The following ANKRD27 variants were observed in gnomAD, a reference collection of about 807,000 sequenced individuals.
ANKRD27 encodes ankyrin repeat domain-containing protein 27.
ANKRD27 carries 112 observed loss-of-function variants against 129.7 expected under a neutral mutation model. The ratio of observed to expected loss-of-function variants is 0.86; its 90% CI spans 0.74 to 1.01. The LOEUF is 1.01. Among genes scored for constraint, ANKRD27 ranks in the 50% least tolerant of loss-of-function variants. The probability of loss-of-function intolerance (pLI) is 0.00; values close to 1 mark genes in which losing one functional copy is unlikely to be tolerated. For synonymous variants in ANKRD27, 516 were observed against 511.2 expected (o/e 1.01, Z -0.13); for missense variants, 1,258 against 1,300.5 (o/e 0.97, Z 0.50).
intron 2 of ANKRD27, among the ~76,000 whole-genome samples, chr19:32,651,419 G>A (rs1432351019): frequency 2.0e-5 from 3 of 152,116 alleles, no homozygotes; most frequent in Middle Eastern, 3.2e-3. Context: ...GCCCAGGCTG[G>A]AGTGCAGTGG....
intron 2 of ANKRD27, among the ~76,000 whole-genome samples, chr19:32,650,636 T>C (rs1967395661): frequency 2.7e-5 from 4 of 150,274 alleles, no homozygotes; most frequent in African/African-American, 9.8e-5. Context: ...GATCACATGA[T>C]TGCACTACTC....
intron 1 of ANKRD27, among the ~76,000 whole-genome samples, chr19:32,661,710 G>A (rs1292041030): frequency 6.6e-6 from 1 of 152,008 alleles, no homozygotes; most frequent in African/African-American, 2.4e-5. Flanking sequence ...GGATCCTCTT[G>A]TATACCCAAG....
Position 32,598,301 on chromosome 19 carries a change from G to A in ANKRD27, c.2997C>T (p.Asn999=). The A allele has an allele frequency of 3.1e-6, 5 of 1,614,186 alleles. No homozygotes were observed. The highest frequency in any genetic ancestry group is 4.2e-6 in the Non-Finnish European group (5 of 1,180,042). Residue 999 remains asparagine (N), a synonymous_variant, in exon 29 of 29, where the codon AAC becomes AAT. Coordinates refer to ENST00000306065, the MANE Select transcript of ANKRD27 (RefSeq NM_032139.3). Reference sequence around the variant, plus strand: ...GTCCAGGCCTCTCTGGCCAGTCGCTGTTGCCTTTCTCAGCAGCATGAGATC... The same window carrying A: ...GTCCAGGCCTCTCTGGCCAGTCGCTATTGCCTTTCTCAGCAGCATGAGATC... The part of the protein sequence containing the change: ...QSGSHAAEKG[N]SDWPERPGLT...
Position 32,629,566 on chromosome 19 carries a change from G to C in ANKRD27, c.1210-717C>G, listed in dbSNP as rs573967012. ...AATACAAAACTTAGCCGGATGTGGT[G>C]GCAGACGCCTGTAATCCCAGCGACT... is the stretch of plus-strand genomic sequence containing the variant. On this transcript the variant is annotated intron_variant, in intron 13 of 28. Coordinates refer to ENST00000306065, the MANE Select transcript of ANKRD27 (RefSeq NM_032139.3). Among the ~76,000 whole-genome samples the C allele has an allele frequency of 6.2e-4, 94 of 152,250 alleles. 1 individual carries two copies. Among genetic ancestry groups the C allele is most frequent in the Admixed American group, 5.5e-3 (84 of 15,268 alleles).
In ANKRD27 at chr19:32,656,103, GAAAGA is replaced by G. The variant is rs535574771; in HGVS notation, c.102+2806_102+2810del. ...AGAAAGAAAGAAAGAAAGAAAGAAA[GAAAGA>G]AAAGAAAAGAAAAGAAAAGAAAAGA... On this transcript the variant is annotated intron_variant, in intron 2 of 28. Transcript: ENST00000306065. Among the ~76,000 whole-genome samples, 542 of 123,506 alleles carry G rather than the reference GAAAGA, an allele frequency of 4.4e-3. 20 individuals are homozygous for G. Among genetic ancestry groups the G allele is most frequent in the African/African-American group, 0.017 (507 of 29,386 alleles). 81.0% of individuals were successfully genotyped at this position (123,506 alleles called of 152,430 possible).
intron 22 of ANKRD27, among the ~76,000 whole-genome samples, chr19:32,609,834 T>C (rs980779990): frequency 1.1e-5 from 1 of 95,096 alleles, no homozygotes; most frequent in African/African-American, 3.1e-5. Context: ...ATATAAATTA[T>C]AATGTATATA....
At chr19:32,666,728 T>TCCA (rs771164054) in intron 1 of ANKRD27, among the ~76,000 whole-genome samples, 176 of 137,190 alleles carry the variant, frequency 1.3e-3, no homozygotes, top group Middle Eastern at 7.8e-3. Context: ...CACTGCAACC[T>TCCA]CCACCCCTGT....
intron 12 of ANKRD27, among the ~76,000 whole-genome samples, chr19:32,633,341 T>C (rs1373422895): frequency 1.3e-5 from 2 of 150,174 alleles, no homozygotes; most frequent in Non-Finnish European, 3.0e-5. Flanking sequence ...GTTTTTTTTT[T>C]TTTTTTTTTG....
At chr19:32,662,712 A>T (rs1967669437) in intron 1 of ANKRD27, among the ~76,000 whole-genome samples, 1 of 152,064 alleles carries the variant, frequency 6.6e-6, no homozygotes, top group Non-Finnish European at 1.5e-5. Flanking sequence ...ACTGCACTCC[A>T]GCCTAGGCAA....
chr19:32,642,367 T>TG (rs1338319424), intron 9 of ANKRD27, among the ~76,000 whole-genome samples: 1 of 143,686 alleles, frequency 7.0e-6, no homozygotes, highest in East Asian at 2.3e-4. Context: ...CAAGAAAAGC[T>TG]GAAAAAAAAA....
intron 12 of ANKRD27, among the ~76,000 whole-genome samples, chr19:32,637,115 C>T (rs1458655267): frequency 6.6e-6 from 1 of 152,142 alleles, no homozygotes; most frequent in South Asian, 2.1e-4. Flanking sequence ...AATGCATGAA[C>T]GTGTCAATAA....
intron 26 of ANKRD27, chr19:32,600,428 C>G: frequency 5.8e-6 from 1 of 170,968 alleles, no homozygotes; most frequent in South Asian, 1.3e-4. Context: ...ATAATCCCAG[C>G]TACTCAAGAG....
At chr19:32,664,812 C>T (rs931420608) in intron 1 of ANKRD27, among the ~76,000 whole-genome samples, 2 of 143,418 alleles carry the variant, frequency 1.4e-5, no homozygotes, top group African/African-American at 5.1e-5. Context: ...CCAGGCTACT[C>T]GGGAGGATGA....
At chr19:32,625,198 G>A (rs751876596) in intron 17 of ANKRD27, among the ~76,000 whole-genome samples, 9 of 152,170 alleles carry the variant, frequency 5.9e-5, no homozygotes, top group Non-Finnish European at 1.2e-4. Context: ...GGAGGTTGCA[G>A]TGAGTCAAGA....
intron 23 of ANKRD27, among the ~76,000 whole-genome samples, chr19:32,607,393 A>C (rs1324712116): frequency 6.6e-6 from 1 of 152,096 alleles, no homozygotes. Flanking sequence ...AATCAGAATG[A>C]CAACCTCGGT....
chr19:32,623,615 T>C (rs1972047321), intron 17 of ANKRD27, among the ~76,000 whole-genome samples: 2 of 149,216 alleles, frequency 1.3e-5, no homozygotes, highest in South Asian at 4.5e-4. Context: ...AGCAGTGCAA[T>C]CTCAGCTCAT....
At chr19:32,613,281 G>C (rs1208289950) in intron 22 of ANKRD27, among the ~76,000 whole-genome samples, 1 of 152,168 alleles carries the variant, frequency 6.6e-6, no homozygotes, top group Non-Finnish European at 1.5e-5. Flanking sequence ...CACACCCAGT[G>C]CTGGGGAGGA....
At chr19:32,600,164 GA>G in intron 26 of ANKRD27, 114 bp from the exon 27 acceptor site, 1 of 789,548 alleles carries the variant, frequency 1.3e-6, no homozygotes, top group Non-Finnish European at 2.0e-6. Context: ...TTTAGAAACT[GA>G]AGCACTGAAT....
intron 10 of ANKRD27, among the ~76,000 whole-genome samples, chr19:32,641,036 C>G (rs1967190741): frequency 6.6e-6 from 1 of 152,006 alleles, no homozygotes; most frequent in Admixed American, 6.6e-5. Flanking sequence ...GCAGCTGGGA[C>G]TACAGGTGCC....
Sources: allele counts gnomAD v4.1 joint callset (sites outside exome capture counted in the v4.1 genomes callset), GRCh38; gene constraint gnomAD v4.1.1; transcripts MANE v1.5; gene names NCBI Gene and HGNC (gene_info 2026-07-23, HGNC 2026-07-21).